The following INSC variants were observed in gnomAD, a reference collection of about 807,000 sequenced individuals.
INSC encodes protein inscuteable homolog.
INSC carries 67 observed loss-of-function variants against 58.6 expected under a neutral mutation model. The ratio of observed to expected loss-of-function variants is 1.14; its 90% confidence interval spans 0.94 to 1.40. The LOEUF (loss-of-function observed/expected upper bound fraction) is 1.40. Ranked by LOEUF, INSC falls within the 40% of genes most tolerant of loss-of-function variation. The pLI is 0.00. For missense variants in INSC, 714 were observed against 692.0 expected, an observed-to-expected ratio of 1.03 and a Z score of -0.36; for synonymous variants, 262 against 276.1, an observed-to-expected ratio of 0.95 and a Z score of 0.51.
chr11:15,202,232 C>T (rs1297963636), intron 7 of INSC, among the ~76,000 whole-genome samples: 1 of 152,018 alleles, frequency 6.6e-6, no homozygotes, highest in African/African-American at 2.4e-5. Flanking sequence ...TTGCTATGAG[C>T]ACTAGATTTG....
At chr11:15,254,499 C>T in the INSC span, among the ~76,000 whole-genome samples, 1 of 152,266 alleles carries the variant, frequency 6.6e-6, no homozygotes, top group Non-Finnish European at 1.5e-5. Flanking sequence ...GACTTGAATC[C>T]TGGCTCTACC....
chr11:15,165,874 T>G (rs1445851184), intron 2 of INSC, among the ~76,000 whole-genome samples: 2 of 149,134 alleles, frequency 1.3e-5, no homozygotes, highest in African/African-American at 2.5e-5. Context: ...TTTTGGGGGG[T>G]GGTGGGGGAA....
chr11:15,235,570 A>C, intron 9 of INSC, 32 bp from the exon 10 acceptor site: 1 of 1,585,194 alleles, frequency 6.3e-7, no homozygotes, highest in Non-Finnish European at 8.7e-7. Context: ...AGGTGTGCTC[A>C]TTTTCTGAGG....
chr11:15,124,710 T>C (rs1847950381), intron 1 of INSC, among the ~76,000 whole-genome samples: 1 of 152,118 alleles, frequency 6.6e-6, no homozygotes. Flanking sequence ...CTTAGGCTTG[T>C]CATTTACAAA....
chr11:15,212,361 G>A lies in INSC; in HGVS notation c.820-9116G>A, dbSNP rs576593126. ...GTGATCCGCCCACCTCAGCCTCCCT[G>A]ACCTCAGGTGATCCGCCCACCTCAG... On this transcript the variant is annotated intron_variant, in intron 7 of 12. Transcript: ENST00000379556. 2.0e-5 allele frequency among the ~76,000 whole-genome samples: 3 copies of A among 152,150 alleles called. No individual in the cohort carries two copies. The South Asian group carries it at 6.2e-4, about 32-fold the overall frequency.
upstream of INSC, chr11:15,112,587 T>A (rs1847592390): frequency 1.7e-6 from 2 of 1,150,102 alleles, no homozygotes; most frequent in Non-Finnish European, 2.3e-6. Context: ...GGAAGGTGGA[T>A]GTGAGTGTGT....
chr11:15,124,991 G>A (rs1847957264), intron 1 of INSC, among the ~76,000 whole-genome samples: 1 of 152,142 alleles, frequency 6.6e-6, no homozygotes, highest in African/African-American at 2.4e-5. Context: ...TGCCCTTAGA[G>A]GATTTGGTTT....
intron 2 of INSC, among the ~76,000 whole-genome samples, chr11:15,159,882 G>A (rs1848954486): frequency 6.6e-6 from 1 of 152,194 alleles, no homozygotes; most frequent in Non-Finnish European, 1.5e-5. Context: ...TAATGATTAT[G>A]GATTTTATCC....
At chr11:15,163,047 T>C (rs1252058693) in intron 2 of INSC, among the ~76,000 whole-genome samples, 1 of 152,200 alleles carries the variant, frequency 6.6e-6, no homozygotes, top group Non-Finnish European at 1.5e-5. Context: ...GATTTTGTCT[T>C]CTTAATTATT....
chr11:15,113,783 C>T (rs534284850), upstream of INSC, among the ~76,000 whole-genome samples: 4 of 152,118 alleles, frequency 2.6e-5, no homozygotes, highest in South Asian at 2.1e-4. Context: ...TGTGTGTGTT[C>T]GAGTCCAGGG....
the INSC span, among the ~76,000 whole-genome samples, chr11:15,268,650 G>T: frequency 6.6e-6 from 1 of 152,102 alleles, no homozygotes; most frequent in Non-Finnish European, 1.5e-5. Flanking sequence ...ATGCTGCTGA[G>T]AAAGAATTTG....
chr11:15,188,645 A>G (rs1176060872), intron 5 of INSC, among the ~76,000 whole-genome samples: 2 of 152,236 alleles, frequency 1.3e-5, no homozygotes, highest in East Asian at 3.8e-4. Context: ...TCACTGAGAC[A>G]TATCTGAGGT....
intron 7 of INSC, among the ~76,000 whole-genome samples, chr11:15,204,072 G>A (rs907902442): frequency 3.3e-5 from 5 of 152,258 alleles, no homozygotes; most frequent in East Asian, 1.9e-4. Flanking sequence ...AATTCTTGCC[G>A]AGCCCGGTTC....
chr11:15,114,718 C>T (rs4418791), upstream of INSC, among the ~76,000 whole-genome samples: 75,370 of 152,038 alleles, frequency 0.5, 19,556 homozygotes, highest in Non-Finnish European at 0.58. Context: ...TTTCCCCCCC[C>T]AGGGGCACCG....
intron 8 of INSC, among the ~76,000 whole-genome samples, chr11:15,224,588 G>C (rs939444179): frequency 6.6e-6 from 1 of 152,178 alleles, no homozygotes; most frequent in African/African-American, 2.4e-5. Flanking sequence ...TTATCAGTAG[G>C]AGAGGGCCTG....
intron 1 of INSC, among the ~76,000 whole-genome samples, chr11:15,129,927 T>A (rs887697612): frequency 2.3e-4 from 35 of 152,314 alleles, no homozygotes; most frequent in Admixed American, 1.2e-3. Flanking sequence ...GAACCAGCCC[T>A]GTGTTGGGGT....
downstream of INSC, among the ~76,000 whole-genome samples, chr11:15,247,732 G>GATATATATATATATATATAT (rs1852604816): frequency 1.7e-5 from 1 of 59,360 alleles, no homozygotes; most frequent in African/African-American, 7.0e-5. Flanking sequence ...TTAGAAATAA[G>GATATATATATATATATATAT]GTATATATAT....
In INSC at chr11:15,144,148, A is replaced by G. The variant is rs546035981; in HGVS notation, c.-45-4982A>G. Among the ~76,000 whole-genome samples the G allele has an allele frequency of 4.6e-5, 7 of 152,292 alleles. No homozygotes were observed. The South Asian group carries it at 1.0e-3, about 23-fold the overall frequency. ...TGGCTTTTTAAGTTTCTATGTTGGG[A>G]GGCAGGTTTCCACTTCACTAAGACT... is the stretch of plus-strand genomic sequence containing the variant. On this transcript the variant is annotated intron_variant, in intron 1 of 12. Transcript: ENST00000379556.
At position 15,187,710 on chromosome 11, in the gene INSC, A is replaced by AT. The variant is rs201318285; in HGVS notation, c.580-2983dup. On this transcript the variant is annotated intron_variant, in intron 5 of 12. Transcript: ENST00000379556. ...CCTTTTCTTTGGTCTTTAAGATGTT[A>AT]TTTTTTTTGTTTCATATCTGCCTAG... is the stretch of plus-strand genomic sequence containing the variant. Among the ~76,000 whole-genome samples the AT allele has an allele frequency of 6.1e-4, 93 of 151,842 alleles. 1 individual carries two copies. In the East Asian group the frequency reaches 0.012, roughly 19 times the overall value.
Sources: allele counts gnomAD v4.1 joint callset (sites outside exome capture counted in the v4.1 genomes callset), GRCh38; gene constraint gnomAD v4.1.1; transcripts MANE v1.5; gene names NCBI Gene and HGNC (gene_info 2026-07-23, HGNC 2026-07-21).